The following RTN1 variants were observed in gnomAD, a reference collection of about 807,000 sequenced individuals.
RTN1 encodes the protein reticulon-1.
RTN1 carries 25 observed loss-of-function variants against 65.5 expected under a neutral mutation model. The ratio of observed to expected loss-of-function variants is 0.38; its 90% CI spans 0.28 to 0.53. The LOEUF is 0.53. Ranked by LOEUF, RTN1 falls within the 20% of genes least tolerant of loss-of-function variation. The pLI is 0.79. For synonymous variants in RTN1, 471 were observed against 447.6 expected (o/e 1.05, Z -0.66); for missense variants, 983 against 1,025.4 (o/e 0.96, Z 0.57).
chr14:59,644,085 A>T (rs1334681126), intron 3 of RTN1, among the ~76,000 whole-genome samples: 1 of 152,224 alleles, frequency 6.6e-6, no homozygotes, highest in Non-Finnish European at 1.5e-5. Context: ...AAGGGAGCTA[A>T]CAGGAAATTC....
intron 3 of RTN1, among the ~76,000 whole-genome samples, chr14:59,641,896 T>A (rs1191756667): frequency 6.6e-6 from 1 of 152,190 alleles, no homozygotes; most frequent in East Asian, 1.9e-4. Flanking sequence ...AAATTAATAA[T>A]CTTTCACATT....
chr14:59,789,981 T>A (rs1355182961), intron 1 of RTN1, among the ~76,000 whole-genome samples: 1 of 151,928 alleles, frequency 6.6e-6, no homozygotes, highest in Non-Finnish European at 1.5e-5. Flanking sequence ...AAAATGGAAT[T>A]ATATATAAAC....
At chr14:59,674,472 C>T (rs545127744) in intron 3 of RTN1, among the ~76,000 whole-genome samples, 1 of 152,166 alleles carries the variant, frequency 6.6e-6, no homozygotes, top group Non-Finnish European at 1.5e-5. Flanking sequence ...GTTTCTAGTA[C>T]AGATTAAGAA....
intron 1 of RTN1, among the ~76,000 whole-genome samples, chr14:59,810,820 T>C (rs75586468): frequency 0.012 from 1,837 of 152,154 alleles, 33 homozygotes; most frequent in African/African-American, 0.041. Context: ...TGTAGAGAAC[T>C]AAACAAGTCC....
At chr14:59,678,975 C>T (rs915756765) in intron 3 of RTN1, among the ~76,000 whole-genome samples, 2 of 152,174 alleles carry the variant, frequency 1.3e-5, no homozygotes, top group African/African-American at 2.4e-5. Context: ...TAGTATCTAA[C>T]TCTGTTGGGT....
intron 3 of RTN1, among the ~76,000 whole-genome samples, chr14:59,646,727 C>A (rs980398736): frequency 3.3e-5 from 5 of 152,110 alleles, no homozygotes; most frequent in Admixed American, 1.3e-4. Flanking sequence ...AGATCCTTTT[C>A]AGATAAGCAA....
At chr14:59,761,196 T>C (rs984827384) in intron 1 of RTN1, among the ~76,000 whole-genome samples, 5 of 152,174 alleles carry the variant, frequency 3.3e-5, no homozygotes. Flanking sequence ...AAGCAAAGAA[T>C]TTTCATGCTA....
At chr14:59,721,231 A>G (rs1884640700) in intron 3 of RTN1, among the ~76,000 whole-genome samples, 1 of 152,190 alleles carries the variant, frequency 6.6e-6, no homozygotes, top group Non-Finnish European at 1.5e-5. Context: ...CCCTGCCACA[A>G]GGGGCTGAGC....
intron 1 of RTN1, among the ~76,000 whole-genome samples, chr14:59,753,277 C>G (rs145041474): frequency 1.3e-3 from 193 of 152,290 alleles, no homozygotes; most frequent in African/African-American, 4.5e-3. Flanking sequence ...TCCTACCCTA[C>G]TGGCTCTGTC....
chr14:59,749,156 ATATCTATCTATAT>A lies in RTN1; in HGVS notation c.242-2688_242-2676del, dbSNP rs1885303845. Among the ~76,000 whole-genome samples the A allele has an allele frequency of 3.6e-5, 2 of 54,962 alleles. 1 individual carries two copies. Among genetic ancestry groups the A allele is most frequent in the Non-Finnish European group, 6.2e-5 (2 of 32,342 alleles). 36.1% of individuals were successfully genotyped at this position (54,962 alleles called of 152,430 possible). A position where few individuals can be genotyped will look rare whatever the true frequency, so the allele number is the denominator to read the frequency against. ...TCTATATCTATCTATCTATCTATCT[ATATCTATCTATAT>A]ATCTATCTATATATCTATCTATATA... is the stretch of plus-strand genomic sequence containing the variant. On this transcript the variant is annotated intron_variant, in intron 1 of 8. Transcript: ENST00000267484.
intron 1 of RTN1, among the ~76,000 whole-genome samples, chr14:59,749,172 C>CTATA (rs1885306397): frequency 3.3e-5 from 2 of 61,012 alleles, no homozygotes; most frequent in African/African-American, 1.2e-4. Flanking sequence ...ATCTATATAT[C>CTATA]TATCTATATA....
Position 59,727,289 on chromosome 14 carries a change from C to T in RTN1, c.1395G>A (p.Glu465=). ...REEREAELDS[E]LIIESCDASS... is the part of the protein sequence containing the mutation. ...AGGCGTCGCACGACTCGATGATGAG[C>T]TCGCTGTCCAGCTCGGCCTCGCGCT... is the stretch of plus-strand genomic sequence containing the variant. The change falls in exon 3 of 9, where the codon GAG becomes GAA. Residue 465 remains glutamate, a synonymous_variant. Transcript: ENST00000267484. The surrounding 1 kb of genome is among the most constrained non-coding windows in gnomAD (Gnocchi z 4.2). 1 of 1,500,724 alleles carries T rather than the reference C, an allele frequency of 6.7e-7. No homozygotes were observed. The highest frequency in any genetic ancestry group is 8.9e-7 in the Non-Finnish European group (1 of 1,124,062). The allele number at this position is 1,500,724 out of a possible 1,614,324, so 93.0% of individuals were successfully genotyped here. A position where few individuals can be genotyped will look rare whatever the true frequency, so the allele number is the denominator to read the frequency against.
rs1555364093 is a variant in RTN1, at chr14:59,868,574, C to T, written c.241+1816G>A. 6.6e-6 allele frequency among the ~76,000 whole-genome samples: 1 copy of T among 152,094 alleles called. No homozygotes were observed. Among genetic ancestry groups the T allele is most frequent in the Non-Finnish European group, 1.5e-5 (1 of 68,014 alleles). On this transcript the variant is annotated intron_variant, in intron 1 of 8. Transcript: ENST00000267484. This position sits in a 1 kb window ranked among gnomAD's most constrained non-coding sequence, Gnocchi z 4.0. The stretch of plus-strand genomic sequence containing the variant: ...ACGCTTTTACCACAAAAAAAAAGTA[C>T]ATGAGATGATGGATTTGTTAGCTAA...
intron 1 of RTN1, among the ~76,000 whole-genome samples, chr14:59,814,576 A>G (rs1276109658): frequency 6.6e-6 from 1 of 152,220 alleles, no homozygotes; most frequent in East Asian, 1.9e-4. Flanking sequence ...TTTTTAATCC[A>G]TTAACTCATT....
At chr14:59,677,175 C>A (rs770900225) in intron 3 of RTN1, among the ~76,000 whole-genome samples, 1 of 152,210 alleles carries the variant, frequency 6.6e-6, no homozygotes, top group Non-Finnish European at 1.5e-5. Context: ...GCCTTTGAAT[C>A]CTTCTATACC....
At chr14:59,630,387 G>C in intron 3 of RTN1, 2 of 1,609,110 alleles carry the variant, frequency 1.2e-6, no homozygotes, top group Middle Eastern at 1.7e-4. Context: ...CAATGGACGA[G>C]TCCAGGTCCC....
chr14:59,786,701 A>G (rs917434640), intron 1 of RTN1, among the ~76,000 whole-genome samples: 6 of 152,184 alleles, frequency 3.9e-5, no homozygotes, highest in Middle Eastern at 3.2e-3. Flanking sequence ...AAAAGTTACC[A>G]TTAATTTCTG....
At chr14:59,696,613 T>C (rs982203121) in intron 3 of RTN1, among the ~76,000 whole-genome samples, 2 of 152,084 alleles carry the variant, frequency 1.3e-5, no homozygotes, top group African/African-American at 2.4e-5. Flanking sequence ...GACAAATCCA[T>C]TGTTGTCAGC....
Position 59,829,858 on chromosome 14 carries a change from G to A in RTN1, c.241+40532C>T, listed in dbSNP as rs539659359. On this transcript the variant is annotated intron_variant, in intron 1 of 8. Coordinates refer to ENST00000267484, the MANE Select transcript of RTN1 (RefSeq NM_021136.3). This position sits in a 1 kb window ranked among gnomAD's most constrained non-coding sequence, Gnocchi z 4.3. The stretch of plus-strand genomic sequence containing the variant: ...ATATGGCCATACCTAACTTCCAGGG[G>A]ACAGGAATGTACCCAGAGAGAAACC... Among the ~76,000 whole-genome samples the A allele has an allele frequency of 5.9e-5, 9 of 152,306 alleles. No homozygotes were observed. The highest frequency in any genetic ancestry group is 2.2e-4 in the African/African-American group (9 of 41,574).
Sources: allele counts gnomAD v4.1 joint callset (sites outside exome capture counted in the v4.1 genomes callset), GRCh38; gene constraint gnomAD v4.1.1; non-coding constraint Gnocchi (gnomAD v3.1); transcripts MANE v1.5; gene names NCBI Gene and HGNC (gene_info 2026-07-23, HGNC 2026-07-21).